Variants in ADAMTSL1 observed in about 807,000 individuals in gnomAD.
ADAMTSL1 encodes ADAMTS-like protein 1.
In ADAMTSL1, 126 loss-of-function variants were observed where a neutral mutation model predicts 201.8. The observed-to-expected ratio is 0.62, with a 90% CI of 0.54 to 0.72. The LOEUF (loss-of-function observed/expected upper bound fraction) is 0.72. Among genes scored for constraint, ADAMTSL1 ranks in the 30% least tolerant of loss-of-function variants. The pLI, the probability that ADAMTSL1 is intolerant of heterozygous loss-of-function variation, is 0.00. For missense variants in ADAMTSL1, 2,679 were observed against 2,277.8 expected (o/e 1.18, Z -3.59); for synonymous variants, 1,121 against 903.4 (o/e 1.24, Z -4.32).
At chr9:18,376,865 A>T (rs571869901) in intron 2 of ADAMTSL1, among the ~76,000 whole-genome samples, 14 of 152,342 alleles carry the variant, frequency 9.2e-5, no homozygotes, top group Admixed American at 6.5e-4. Context: ...ACACTATTTG[A>T]TTGACCACAT....
At position 18,905,847 on chromosome 9, in the gene ADAMTSL1, G is replaced by C. The variant is rs1278162425; in HGVS notation, c.4917G>C (p.Arg1639=). ...ACAGACAAGTCTTCTGCCAGACACG[G>C]GATGGCATCACCTTACCATCAGAGC... ...VQHRQVFCQT[R]DGITLPSEQC... The change falls in exon 27 of 29, where the codon CGG becomes CGC. Residue 1639 remains arginine, a synonymous_variant. Coordinates refer to ENST00000380548, the MANE Select transcript of ADAMTSL1 (RefSeq NM_001040272.6). 1 of 1,613,554 alleles carries C rather than the reference G, an allele frequency of 6.2e-7. No individual in the cohort carries two copies.
intron 3 of ADAMTSL1, among the ~76,000 whole-genome samples, chr9:18,535,792 C>T (rs1180552972): frequency 6.6e-6 from 1 of 152,066 alleles, no homozygotes; most frequent in South Asian, 2.1e-4. Flanking sequence ...GGGAGAAGCC[C>T]CTTATAAAAT....
Position 18,721,604 on chromosome 9 carries a change from G to A in ADAMTSL1, c.1945G>A (p.Val649Met), listed in dbSNP as rs571292749. Residue 649 changes from valine to methionine, a missense_variant, in exon 15 of 29, where the codon GTG becomes ATG. Coordinates refer to ENST00000380548, the MANE Select transcript of ADAMTSL1 (RefSeq NM_001040272.6). ...TREPAEENLCVTSRRPPQLLK... is the reference protein window; with the variant it reads ...TREPAEENLCMTSRRPPQLLK... ...GGAGCCTGCTGAGGAGAACCTGTGC[G>A]TGACCAGCCGCCGGCCCCCACAGCT... is the stretch of plus-strand genomic sequence containing the variant. 190 of 1,613,976 alleles carry A rather than the reference G, an allele frequency of 1.2e-4. No homozygotes were observed. The highest frequency in any genetic ancestry group is 1.4e-4 in the Non-Finnish European group (161 of 1,179,878).
chr9:18,154,609 T>C lies in ADAMTSL1; in HGVS notation c.88-9253T>C, dbSNP rs182328164. Among the ~76,000 whole-genome samples the C allele has an allele frequency of 1.1e-4, 16 of 152,220 alleles. No individual in the cohort carries two copies. In the East Asian group the frequency reaches 3.1e-3, roughly 30 times the overall value. Reference sequence around the variant, plus strand: ...TAACAGGAACAACATATTATTAATATAAACAAATGACAAAAGAGTAATACA... The same window carrying C: ...TAACAGGAACAACATATTATTAATACAAACAAATGACAAAAGAGTAATACA... On this transcript the variant is annotated intron_variant, in intron 1 of 29. Transcript: ENST00000680146.
intron 23 of ADAMTSL1, among the ~76,000 whole-genome samples, chr9:18,865,202 C>T (rs558008212): frequency 6.6e-4 from 101 of 152,226 alleles, no homozygotes; most frequent in African/African-American, 2.4e-3. Context: ...CCCCCCACCC[C>T]ACAATAGGCC....
chr9:18,048,903 T>G (rs577341652), intron 1 of ADAMTSL1, among the ~76,000 whole-genome samples: 1 of 152,272 alleles, frequency 6.6e-6, no homozygotes, highest in South Asian at 2.1e-4. Context: ...TTTTTGACAG[T>G]TCAGGGGGCC....
chr9:18,527,558 T>C, intron 2 of ADAMTSL1, among the ~76,000 whole-genome samples: 1 of 152,096 alleles, frequency 6.6e-6, no homozygotes, highest in East Asian at 1.9e-4. Flanking sequence ...TAGAGAAAAA[T>C]CTTTTAATTT....
intron 2 of ADAMTSL1, among the ~76,000 whole-genome samples, chr9:18,173,786 G>A (rs1017308739): frequency 2.0e-5 from 3 of 152,116 alleles, no homozygotes; most frequent in Admixed American, 6.6e-5. Flanking sequence ...TAAATAACAC[G>A]TGTGAATTTT....
intron 2 of ADAMTSL1, among the ~76,000 whole-genome samples, chr9:18,354,427 A>T (rs1836119038): frequency 6.6e-6 from 1 of 152,176 alleles, no homozygotes; most frequent in Admixed American, 6.5e-5. Context: ...CTACATATGG[A>T]GTGTAATTCA....
At chr9:18,449,681 T>C (rs1820329871) in intron 2 of ADAMTSL1, among the ~76,000 whole-genome samples, 1 of 152,100 alleles carries the variant, frequency 6.6e-6, no homozygotes, top group Non-Finnish European at 1.5e-5. Flanking sequence ...CACAACTCAG[T>C]AATAGGAAAA....
At chr9:18,225,356 A>C (rs1045660254) in intron 2 of ADAMTSL1, among the ~76,000 whole-genome samples, 1 of 152,162 alleles carries the variant, frequency 6.6e-6, no homozygotes, top group Non-Finnish European at 1.5e-5. Context: ...ACTCGTGGAG[A>C]TCCCACTGGG....
At chr9:18,831,013 A>G (rs1381422058) in intron 23 of ADAMTSL1, among the ~76,000 whole-genome samples, 1 of 152,196 alleles carries the variant, frequency 6.6e-6, no homozygotes, top group African/African-American at 2.4e-5. Context: ...TCCCAGTCGT[A>G]TTGGTGATGA....
intron 2 of ADAMTSL1, among the ~76,000 whole-genome samples, chr9:18,266,256 G>T (rs964431982): frequency 6.6e-6 from 1 of 152,130 alleles, no homozygotes; most frequent in Non-Finnish European, 1.5e-5. Flanking sequence ...GGTGAACTGT[G>T]GTTTGGTGGG....
At chr9:18,056,963 C>G (rs1183633249) in intron 1 of ADAMTSL1, among the ~76,000 whole-genome samples, 1 of 152,158 alleles carries the variant, frequency 6.6e-6, no homozygotes, top group South Asian at 2.1e-4. Flanking sequence ...AGACAAACCA[C>G]TACTGCACTA....
chr9:18,091,720 A>C (rs1037980005), intron 1 of ADAMTSL1, among the ~76,000 whole-genome samples: 1 of 152,172 alleles, frequency 6.6e-6, no homozygotes, highest in Non-Finnish European at 1.5e-5. Flanking sequence ...GCAATGTGGC[A>C]TGAGTAATTG....
Position 18,102,870 on chromosome 9 carries a change from G to A in ADAMTSL1, c.88-60992G>A, listed in dbSNP as rs139928223. On this transcript the variant is annotated intron_variant, in intron 1 of 29. Transcript: ENST00000680146. ...GAAATAATAGATTTGAATAATCAGA[G>A]CTAGAAGATGATTCTGTGTGGAGGG... 1.9e-3 allele frequency among the ~76,000 whole-genome samples: 289 copies of A among 152,286 alleles called. 2 individuals are homozygous for A. The highest frequency in any genetic ancestry group is 6.5e-3 in the African/African-American group (269 of 41,558).
In ADAMTSL1 at chr9:18,910,479, G is replaced by GTGTT. The variant is rs575451520; in HGVS notation, c.*1933_*1936dup. Reference sequence around the variant, plus strand: ...TTTTTCCTATTTTTAATAGAACCTGGTGTTTAACTCTGGATCCATTCACTG... The same window carrying GTGTT: ...TTTTTCCTATTTTTAATAGAACCTGGTGTTTGTTTAACTCTGGATCCATTCACTG... On this transcript the variant is annotated 3_prime_UTR_variant, in exon 29 of 29. Transcript: ENST00000380548. The GTGTT allele has an allele frequency of 9.9e-5, 15 of 152,280 alleles. No homozygotes were observed. The highest frequency in any genetic ancestry group is 9.6e-4 in the East Asian group (5 of 5,194). The allele number at this position is 152,280 out of a possible 1,614,324, so 9.4% of individuals were successfully genotyped here. A position where few individuals can be genotyped will look rare whatever the true frequency, so the allele number is the denominator to read the frequency against.
At chr9:18,907,202 G>T in intron 28 of ADAMTSL1, 2 of 434,142 alleles carry the variant, frequency 4.6e-6, no homozygotes, top group South Asian at 5.5e-5. Context: ...TTCCCCTGCA[G>T]TCAGTCTGGC....
At chr9:18,235,106 G>A (rs1830792411) in intron 2 of ADAMTSL1, among the ~76,000 whole-genome samples, 2 of 151,660 alleles carry the variant, frequency 1.3e-5, no homozygotes, top group East Asian at 3.9e-4. Context: ...TTTTTTTCTG[G>A]TCTGGAATCA....
Sources: allele counts gnomAD v4.1 joint callset (sites outside exome capture counted in the v4.1 genomes callset), GRCh38; gene constraint gnomAD v4.1.1; transcripts MANE v1.5; gene names NCBI Gene and HGNC (gene_info 2026-07-23, HGNC 2026-07-21).